Variants in TIAM1 observed in about 807,000 individuals in gnomAD.
The protein encoded by TIAM1 is rho guanine nucleotide exchange factor TIAM1.
Under a neutral mutation model 163.5 loss-of-function variants are expected in TIAM1, and 65 were observed. That is an observed-to-expected ratio of 0.40 (90% CI 0.33 to 0.49). The LOEUF is 0.49. TIAM1 is among the 20% of genes least tolerant of loss of function. The pLI is 0.77. For missense variants in TIAM1, 1,789 were observed against 2,044.7 expected, an observed-to-expected ratio of 0.87 and a Z score of 2.41; for synonymous variants, 833 against 810.1, an observed-to-expected ratio of 1.03 and a Z score of -0.48.
chr21:31,431,632 C>G (rs1236762067), intron 2 of TIAM1, among the ~76,000 whole-genome samples: 1 of 152,162 alleles, frequency 6.6e-6, no homozygotes, highest in East Asian at 1.9e-4. Context: ...ACAACAGATA[C>G]ATGTTCTGAG....
intron 16 of TIAM1, chr21:31,160,701 G>A (rs989277656): frequency 1.0e-5 from 4 of 391,288 alleles, no homozygotes; most frequent in South Asian, 1.4e-4. Flanking sequence ...CTACGGCCAC[G>A]TCTCAACGCA....
At chr21:31,260,893 A>C (rs775129977) in intron 4 of TIAM1, among the ~76,000 whole-genome samples, 1 of 152,154 alleles carries the variant, frequency 6.6e-6, no homozygotes, top group East Asian at 1.9e-4. Flanking sequence ...CCCTGTCTTT[A>C]TCTAAGGAAA....
chr21:31,521,124 G>C (rs544579103), intron 1 of TIAM1, among the ~76,000 whole-genome samples: 1 of 152,324 alleles, frequency 6.6e-6, no homozygotes, highest in Admixed American at 6.5e-5. Context: ...AGAAGGAATA[G>C]ATTGCCAGAT....
At position 31,511,342 on chromosome 21, in the gene TIAM1, T is replaced by G. The variant is rs535220672; in HGVS notation, c.-421-47307A>C. ...CTCCGTCAACACTATTTCCTTCTAATAAAATTCAATAATTGACTTGCAATA... is the reference window on the plus strand; with the variant it reads ...CTCCGTCAACACTATTTCCTTCTAAGAAAATTCAATAATTGACTTGCAATA... On this transcript the variant is annotated intron_variant, in intron 1 of 28. Transcript: ENST00000286827. Among the ~76,000 whole-genome samples, 6 of 152,282 alleles carry G rather than the reference T, an allele frequency of 3.9e-5. No homozygotes were observed. In the South Asian group the frequency reaches 1.2e-3, roughly 32 times the overall value.
At position 31,119,411 on chromosome 21, in the gene TIAM1, C is replaced by A. The variant is rs986106448; in HGVS notation, c.*957G>T. 6.6e-6 allele frequency: 1 copy of A among 152,312 alleles called. No individual in the cohort carries two copies. The highest frequency in any genetic ancestry group is 1.5e-5 in the Non-Finnish European group (1 of 68,026). 9.4% of individuals were successfully genotyped at this position (152,312 alleles called of 1,614,324 possible). A position where few individuals can be genotyped will look rare whatever the true frequency, so the allele number is the denominator to read the frequency against. ...CATGTGCAACAGACACACACACCGC[C>A]CACCGGGGTGTCATGTTTAATCCAA... On this transcript the variant is annotated 3_prime_UTR_variant, in exon 28 of 28. Coordinates refer to ENST00000541036, the MANE Select transcript of TIAM1 (RefSeq NM_001353694.2).
chr21:31,235,111 C>T (rs968450412), intron 6 of TIAM1, among the ~76,000 whole-genome samples: 7 of 152,046 alleles, frequency 4.6e-5, no homozygotes, highest in South Asian at 2.1e-4. Context: ...ACATGAGGCC[C>T]GGAGAGCAGC....
chr21:31,479,515 T>A (rs2046044533), intron 1 of TIAM1, among the ~76,000 whole-genome samples: 1 of 152,068 alleles, frequency 6.6e-6, no homozygotes, highest in South Asian at 2.1e-4. Flanking sequence ...GGAGTGGGAT[T>A]GTATAGGCTT....
chr21:31,139,728 T>G (rs2082760534), intron 22 of TIAM1, among the ~76,000 whole-genome samples: 1 of 152,246 alleles, frequency 6.6e-6, no homozygotes, highest in African/African-American at 2.4e-5. Context: ...TCTCAGAACA[T>G]TCTCATGCTC....
intron 2 of TIAM1, among the ~76,000 whole-genome samples, chr21:31,450,954 A>C (rs981323488): frequency 6.6e-6 from 1 of 151,948 alleles, no homozygotes; most frequent in Non-Finnish European, 1.5e-5. Flanking sequence ...ACACAGCCAA[A>C]CCATATCAAG....
chr21:31,334,952 G>GCA lies in TIAM1; in HGVS notation c.-189+4289_-189+4290dup, dbSNP rs201616124. On this transcript the variant is annotated intron_variant, in intron 2 of 27. Transcript: ENST00000541036. Reference sequence around the variant, plus strand: ...TGCAACCACCCGACCCCCAACCCAGGCAACCAAATGTGACATCCAAGGAGT... The same window carrying GCA: ...TGCAACCACCCGACCCCCAACCCAGGCACAACCAAATGTGACATCCAAGGAGT... Among the ~76,000 whole-genome samples, 772 of 152,198 alleles carry GCA rather than the reference G, an allele frequency of 5.1e-3. 6 individuals carry two copies. The highest frequency in any genetic ancestry group is 0.017 in the African/African-American group (724 of 41,510).
At chr21:31,294,197 C>T (rs934772597) in intron 2 of TIAM1, among the ~76,000 whole-genome samples, 2 of 152,190 alleles carry the variant, frequency 1.3e-5, no homozygotes, top group African/African-American at 4.8e-5. Context: ...TGTTCAACAG[C>T]CTCCCACTCC....
chr21:31,550,145 TA>T (rs901389563), intron 1 of TIAM1, among the ~76,000 whole-genome samples: 3 of 147,984 alleles, frequency 2.0e-5, no homozygotes, highest in African/African-American at 2.5e-5. Flanking sequence ...AAAAAGAATT[TA>T]AAAAAAAAAG....
intron 2 of TIAM1, among the ~76,000 whole-genome samples, chr21:31,462,828 C>T (rs529276585): frequency 1.3e-5 from 2 of 151,856 alleles, no homozygotes; most frequent in African/African-American, 4.8e-5. Context: ...CTGCAACCTC[C>T]GCCTCCCAGG....
chr21:31,420,903 C>A (rs1014346593), intron 2 of TIAM1, among the ~76,000 whole-genome samples: 1 of 152,042 alleles, frequency 6.6e-6, no homozygotes, highest in Non-Finnish European at 1.5e-5. Flanking sequence ...GGGTGGACCA[C>A]CTGAGGTCAG....
At chr21:31,355,375 G>A (rs997210878) in intron 2 of TIAM1, among the ~76,000 whole-genome samples, 2 of 151,938 alleles carry the variant, frequency 1.3e-5, no homozygotes, top group African/African-American at 2.4e-5. Flanking sequence ...TTCATCTTCC[G>A]CTTATGAAGG....
At position 31,306,971 on chromosome 21, in the gene TIAM1, T is replaced by C. The variant is rs540374146; in HGVS notation, c.-188-30063A>G. The stretch of plus-strand genomic sequence containing the variant: ...GGTAAGAGCCAAAGACATTTGGTAC[T>C]CTCGAATGATTTAGAGAAAATAAAA... On this transcript the variant is annotated intron_variant, in intron 2 of 27. Transcript: ENST00000541036. 2.6e-5 allele frequency among the ~76,000 whole-genome samples: 4 copies of C among 152,316 alleles called. No individual in the cohort carries two copies. In the South Asian group the frequency reaches 8.3e-4, roughly 32 times the overall value.
chr21:31,220,990 CA>C (rs1267347233), intron 8 of TIAM1, among the ~76,000 whole-genome samples: 2 of 152,164 alleles, frequency 1.3e-5, no homozygotes, highest in Non-Finnish European at 2.9e-5. Context: ...TGTAGCTCCC[CA>C]ATCTACCCAG....
chr21:31,157,673 T>C (rs529741937), intron 16 of TIAM1, among the ~76,000 whole-genome samples: 263 of 151,774 alleles, frequency 1.7e-3, no homozygotes, highest in African/African-American at 6.1e-3. Context: ...TCATCCCATG[T>C]GCGCGTTTTT....
intron 2 of TIAM1, among the ~76,000 whole-genome samples, chr21:31,434,515 T>C (rs2044145813): frequency 1.3e-5 from 2 of 152,244 alleles, no homozygotes; most frequent in Non-Finnish European, 2.9e-5. Context: ...TTGTATACTA[T>C]GTTATGCTCG....
Sources: allele counts gnomAD v4.1 joint callset (sites outside exome capture counted in the v4.1 genomes callset), GRCh38; gene constraint gnomAD v4.1.1; transcripts MANE v1.5; gene names NCBI Gene and HGNC (gene_info 2026-07-23, HGNC 2026-07-21).